ADAM9: variants seen among roughly 807,000 people sequenced by gnomAD.
The protein encoded by ADAM9 is disintegrin and metalloproteinase domain-containing protein 9.
In ADAM9, 54 loss-of-function variants were observed where a neutral mutation model predicts 108.1. The ratio of observed to expected loss-of-function variants is 0.50; its 90% confidence interval spans 0.40 to 0.63. ADAM9 has a LOEUF of 0.63. Ranked by LOEUF, ADAM9 falls within the 20% of genes least tolerant of loss-of-function variation. The pLI, the probability that ADAM9 is intolerant of heterozygous loss-of-function variation, is 0.00. For missense variants in ADAM9, 830 were observed against 997.7 expected (o/e 0.83, Z 2.26); for synonymous variants, 316 against 336.0 (o/e 0.94, Z 0.65).
At chr8:39,089,497 G>A (rs905424201) in intron 18 of ADAM9, among the ~76,000 whole-genome samples, 2 of 152,174 alleles carry the variant, frequency 1.3e-5, no homozygotes, top group African/African-American at 2.4e-5. Flanking sequence ...CAGCATTTCT[G>A]CTTTAGGGAA....
chr8:39,037,324 C>T (rs899749514), intron 11 of ADAM9, among the ~76,000 whole-genome samples: 3 of 147,922 alleles, frequency 2.0e-5, no homozygotes, highest in Non-Finnish European at 4.5e-5. Context: ...GCTGGGATTA[C>T]AAGCGTAAGC....
rs1839798444 is a variant in ADAM9 at position 39,104,362 on chromosome 8, A to G, written c.*662A>G. ...CTCGCTTCCATTTTTATGACCTTTC[A>G]ACTATAGGTAATAACTCTTAGAGAA... is the stretch of plus-strand genomic sequence containing the variant. On this transcript the variant is annotated 3_prime_UTR_variant, in exon 22 of 22. Transcript: ENST00000487273. The G allele has an allele frequency of 2.2e-6, 1 of 451,290 alleles. No individual in the cohort carries two copies. Among genetic ancestry groups the G allele is most frequent in the Non-Finnish European group, 4.4e-6 (1 of 224,990 alleles). The allele number at this position is 451,290 out of a possible 1,614,324, so 28.0% of individuals were successfully genotyped here. A position where few individuals can be genotyped will look rare whatever the true frequency, so the allele number is the denominator to read the frequency against.
chr8:39,033,844 T>C (rs571778602), intron 11 of ADAM9, among the ~76,000 whole-genome samples: 1 of 152,312 alleles, frequency 6.6e-6, no homozygotes, highest in East Asian at 1.9e-4. Flanking sequence ...TCTTCTTTTA[T>C]GGTTTTTTTC....
At chr8:39,025,724 T>C in intron 9 of ADAM9, 79 bp from the exon 10 acceptor site, 2 of 1,368,808 alleles carry the variant, frequency 1.5e-6, no homozygotes, top group Non-Finnish European at 2.1e-6. Flanking sequence ...CCCAATCCAG[T>C]TGAGATTATT....
chr8:39,092,355 C>A (rs1240444310), intron 20 of ADAM9, among the ~76,000 whole-genome samples: 2 of 150,754 alleles, frequency 1.3e-5, no homozygotes, highest in Non-Finnish European at 3.0e-5. Context: ...CACACACACA[C>A]AATCTCCCTA....
At chr8:39,089,468 A>C (rs1451387037) in intron 18 of ADAM9, among the ~76,000 whole-genome samples, 1 of 152,234 alleles carries the variant, frequency 6.6e-6, no homozygotes, top group African/African-American at 2.4e-5. Flanking sequence ...GAAATGATGA[A>C]TGCACTTATT....
chr8:39,070,911 C>G (rs534310588), intron 14 of ADAM9, among the ~76,000 whole-genome samples: 2 of 152,292 alleles, frequency 1.3e-5, no homozygotes, highest in Admixed American at 1.3e-4. Flanking sequence ...GCAGTGTTTT[C>G]TCCAACCCTT....
chr8:39,103,169 C>T (rs1181936811), intron 21 of ADAM9, among the ~76,000 whole-genome samples: 2 of 152,108 alleles, frequency 1.3e-5, no homozygotes, highest in African/African-American at 4.8e-5. Flanking sequence ...GTATAGAAGT[C>T]ATAACACTTT....
chr8:39,021,603 GT>G, intron 7 of ADAM9, 39 bp from the exon 8 acceptor site: 1 of 1,568,240 alleles, frequency 6.4e-7, no homozygotes, highest in Non-Finnish European at 8.8e-7. Flanking sequence ...TATTCTTAAA[GT>G]ACTTTGGTGA....
chr8:39,021,092 G>C (rs1836724602), intron 7 of ADAM9, among the ~76,000 whole-genome samples: 1 of 152,012 alleles, frequency 6.6e-6, no homozygotes, highest in African/African-American at 2.4e-5. Flanking sequence ...CTACTAATTT[G>C]GATAAAATGA....
intron 11 of ADAM9, among the ~76,000 whole-genome samples, chr8:39,037,581 A>G (rs1287489820): frequency 2.7e-5 from 4 of 150,472 alleles, no homozygotes; most frequent in African/African-American, 9.8e-5. Flanking sequence ...GTGCACCACC[A>G]TGCCCAGCTT....
At chr8:39,087,224 CA>C (rs1839205590) in intron 18 of ADAM9, among the ~76,000 whole-genome samples, 2 of 152,302 alleles carry the variant, frequency 1.3e-5, no homozygotes, top group African/African-American at 4.8e-5. Context: ...TAACCTTGGA[CA>C]ATTCTAAGGC....
intron 11 of ADAM9, among the ~76,000 whole-genome samples, chr8:39,028,307 T>C (rs1340392865): frequency 6.6e-6 from 1 of 152,074 alleles, no homozygotes; most frequent in Non-Finnish European, 1.5e-5. Context: ...GAACAAATAC[T>C]AGGCTCAAAA....
intron 15 of ADAM9, among the ~76,000 whole-genome samples, chr8:39,074,910 T>G (rs956373676): frequency 6.8e-6 from 1 of 146,518 alleles, no homozygotes; most frequent in East Asian, 2.0e-4. Flanking sequence ...AATCTTTTTT[T>G]TTTTTTTTTT....
intron 12 of ADAM9, among the ~76,000 whole-genome samples, chr8:39,045,400 ACC>A (rs1837702997): frequency 6.8e-6 from 1 of 147,210 alleles, no homozygotes; most frequent in African/African-American, 2.5e-5. Context: ...GTGTACACAC[ACC>A]TATATGTGCG....
chr8:39,025,950 G>A (rs1045459391), intron 10 of ADAM9, 66 bp downstream of exon 10: 3 of 1,466,442 alleles, frequency 2.0e-6, no homozygotes, highest in Non-Finnish European at 2.9e-6. Flanking sequence ...TTTATTGACT[G>A]TATACTTCCT....
intron 9 of ADAM9, among the ~76,000 whole-genome samples, chr8:39,025,592 C>A (rs117316676): frequency 6.6e-6 from 1 of 151,678 alleles, no homozygotes. Context: ...AAACTTGTCT[C>A]GGTATCCAGA....
At chr8:39,077,077 A>G in intron 15 of ADAM9, 151 bp from the exon 16 acceptor site, 1 of 816,292 alleles carries the variant, frequency 1.2e-6, no homozygotes, top group African/African-American at 1.7e-5. Context: ...ATTTAAAGAG[A>G]GCTACTTTGA....
intron 14 of ADAM9, among the ~76,000 whole-genome samples, chr8:39,059,855 A>G (rs1838242415): frequency 6.6e-6 from 1 of 152,236 alleles, no homozygotes; most frequent in Non-Finnish European, 1.5e-5. Context: ...CCTGATGGGT[A>G]GGAAGTTCCC....
Sources: gnomAD v4.1 joint callset for allele counts (sites outside exome capture counted in the v4.1 genomes callset) on GRCh38, gnomAD v4.1.1 for gene constraint, MANE v1.5 for transcripts, NCBI Gene and HGNC (gene_info 2026-07-23, HGNC 2026-07-21) for gene names.